GRIN2B: variants seen among roughly 807,000 people sequenced by gnomAD.
GRIN2B encodes the protein glutamate receptor ionotropic, NMDA 2B.
Under a neutral mutation model 114.5 loss-of-function variants are expected in GRIN2B, and 5 were observed. That is an observed-to-expected ratio of 0.04 (90% CI 0.02 to 0.09). The LOEUF (loss-of-function observed/expected upper bound fraction) is 0.09. Among genes scored for constraint, GRIN2B ranks in the 10% least tolerant of loss-of-function variants. The probability of loss-of-function intolerance (pLI) is 1.00; values close to 1 mark genes in which losing one functional copy is unlikely to be tolerated. For synonymous variants in GRIN2B, 787 were observed against 745.1 expected (o/e 1.06, Z -0.92); for missense variants, 1,108 against 1,943.5 (o/e 0.57, Z 8.08).
chr12:13,643,013 G>C (rs530121639), intron 5 of GRIN2B, among the ~76,000 whole-genome samples: 2 of 152,092 alleles, frequency 1.3e-5, no homozygotes, highest in Non-Finnish European at 2.9e-5. Flanking sequence ...CCAATTAAAG[G>C]CCTCACCACA....
rs1033720904 is a variant in GRIN2B at position 13,785,692 on chromosome 12, T to C, written c.412-31777A>G. ...ACAATATTAAGTGTGTACTATGAGC[T>C]ATCACTCTGCTAAGCACTCTATGTG... On this transcript the variant is annotated intron_variant, in intron 3 of 13. Coordinates refer to ENST00000609686, the MANE Select transcript of GRIN2B (RefSeq NM_000834.5). 3.3e-5 allele frequency among the ~76,000 whole-genome samples: 5 copies of C among 152,244 alleles called. No homozygotes were observed. The South Asian group carries it at 1.0e-3, about 32-fold the overall frequency.
At chr12:13,683,867 C>T (rs964339531) in intron 4 of GRIN2B, 1 of 152,070 alleles carries the variant, frequency 6.6e-6, no homozygotes, top group African/African-American at 2.4e-5. Flanking sequence ...TTTACATTGC[C>T]TGGGTGTCAG....
chr12:13,856,838 T>G (rs1173184762), intron 3 of GRIN2B, among the ~76,000 whole-genome samples: 1 of 152,098 alleles, frequency 6.6e-6, no homozygotes, highest in Non-Finnish European at 1.5e-5. Context: ...CAAATAAGGC[T>G]TATAGCTACA....
chr12:13,662,746 A>G lies in GRIN2B; in HGVS notation c.1125+12999T>C, dbSNP rs890013723. Among the ~76,000 whole-genome samples, 15 of 152,316 alleles carry G rather than the reference A, an allele frequency of 9.8e-5. 1 individual carries two copies. The highest frequency in any genetic ancestry group is 8.3e-4 in the South Asian group (4 of 4,828). On this transcript the variant is annotated intron_variant, in intron 5 of 13. Coordinates refer to ENST00000609686, the MANE Select transcript of GRIN2B (RefSeq NM_000834.5). ...GTCAGGGAATGTCTTGAGCAACTAC[A>G]TGAAGATATCAGGTAATTAAGAATC... is the stretch of plus-strand genomic sequence containing the variant.
chr12:13,645,426 A>G (rs1239783234), intron 5 of GRIN2B, among the ~76,000 whole-genome samples: 2 of 152,098 alleles, frequency 1.3e-5, no homozygotes, highest in Non-Finnish European at 2.9e-5. Flanking sequence ...CATAACAGAT[A>G]TAATAATAAT....
At chr12:13,687,836 C>T (rs539569291) in intron 4 of GRIN2B, among the ~76,000 whole-genome samples, 1 of 152,320 alleles carries the variant, frequency 6.6e-6, no homozygotes, top group Admixed American at 6.5e-5. Flanking sequence ...TGCTGACTGA[C>T]ATTTTTCCCC....
chr12:13,846,667 T>G (rs951756842), intron 3 of GRIN2B, among the ~76,000 whole-genome samples: 2 of 152,166 alleles, frequency 1.3e-5, no homozygotes, highest in African/African-American at 4.8e-5. Flanking sequence ...GAATTGCACA[T>G]TCCCCCGGAA....
intron 2 of GRIN2B, among the ~76,000 whole-genome samples, chr12:13,900,062 A>G (rs1866417386): frequency 6.6e-6 from 1 of 152,286 alleles, no homozygotes; most frequent in South Asian, 2.1e-4. Flanking sequence ...TGTTAAATCT[A>G]TTCATATTTC....
intron 2 of GRIN2B, among the ~76,000 whole-genome samples, chr12:13,961,514 T>A (rs997156331): frequency 1.1e-4 from 16 of 152,200 alleles, no homozygotes; most frequent in African/African-American, 2.9e-4. Context: ...AAAGTTAATT[T>A]AGTGTATATT....
chr12:13,567,750 G>A (rs889863981), intron 12 of GRIN2B, among the ~76,000 whole-genome samples: 5 of 152,104 alleles, frequency 3.3e-5, no homozygotes, highest in African/African-American at 1.2e-4. Context: ...TAGTATGGTC[G>A]GTGGGAACAC....
chr12:13,807,104 T>C (rs1348794844), intron 3 of GRIN2B, among the ~76,000 whole-genome samples: 2 of 152,178 alleles, frequency 1.3e-5, no homozygotes, highest in Non-Finnish European at 2.9e-5. Context: ...CTCATTAGAT[T>C]GCTTAGCCAT....
intron 2 of GRIN2B, among the ~76,000 whole-genome samples, chr12:13,876,809 C>A (rs749835207): frequency 3.3e-5 from 5 of 152,158 alleles, no homozygotes; most frequent in Non-Finnish European, 7.3e-5. Flanking sequence ...GAGGCAGGGA[C>A]TATGTCTTAT....
intron 8 of GRIN2B, among the ~76,000 whole-genome samples, chr12:13,613,269 C>G (rs1370780274): frequency 1.3e-5 from 2 of 152,206 alleles, no homozygotes; most frequent in African/African-American, 4.8e-5. Context: ...CCTCTGTGGT[C>G]TTTTCCTCCC....
In GRIN2B at chr12:13,560,088, T is replaced by C. The variant is rs75391947; in HGVS notation, c.*2695A>G. On this transcript the variant is annotated 3_prime_UTR_variant, in exon 14 of 14. Transcript: ENST00000609686. ...GACCTGGGGTTTGCTTAGAGCCAAA[T>C]TGAACCCTATGTAAAACCCTGGCCA... The C allele has an allele frequency of 0.033, 5,041 of 152,238 alleles. 86 individuals are homozygous for C. The highest frequency in any genetic ancestry group is 0.07 in the South Asian group (336 of 4,820). 9.4% of individuals were successfully genotyped at this position (152,238 alleles called of 1,614,324 possible).
At chr12:13,643,986 G>A (rs1056043420) in intron 5 of GRIN2B, among the ~76,000 whole-genome samples, 12 of 152,036 alleles carry the variant, frequency 7.9e-5, no homozygotes, top group African/African-American at 2.7e-4. Context: ...CATGAGGGCC[G>A]GAATAAACTT....
intron 4 of GRIN2B, among the ~76,000 whole-genome samples, chr12:13,707,405 C>A (rs935469233): frequency 2.0e-5 from 3 of 152,236 alleles, no homozygotes; most frequent in Admixed American, 6.5e-5. Context: ...ATCACTATAT[C>A]TTCTTCCTGA....
chr12:13,613,882 A>T (rs1326911004), intron 8 of GRIN2B, among the ~76,000 whole-genome samples: 1 of 152,138 alleles, frequency 6.6e-6, no homozygotes, highest in Non-Finnish European at 1.5e-5. Context: ...TGACATTTCT[A>T]TGCTATTCCA....
intron 3 of GRIN2B, among the ~76,000 whole-genome samples, chr12:13,770,466 G>T (rs1306889141): frequency 6.6e-6 from 1 of 152,206 alleles, no homozygotes; most frequent in Non-Finnish European, 1.5e-5. Flanking sequence ...TGGTGGTTAA[G>T]CCGTTGTCAG....
chr12:13,689,002 C>T (rs1227409034), intron 4 of GRIN2B, among the ~76,000 whole-genome samples: 1 of 152,204 alleles, frequency 6.6e-6, no homozygotes, highest in Non-Finnish European at 1.5e-5. Flanking sequence ...TCTCCTCCTT[C>T]ATCTGTGATT....
Sources: gnomAD v4.1 joint callset for allele counts (sites outside exome capture counted in the v4.1 genomes callset) on GRCh38, gnomAD v4.1.1 for gene constraint, MANE v1.5 for transcripts, NCBI Gene and HGNC (gene_info 2026-07-23, HGNC 2026-07-21) for gene names.